Variants in LUC7L2 observed in about 807,000 individuals in gnomAD.
LUC7L2 encodes the protein LUC7 like 2, pre-mRNA splicing factor, also known as putative RNA-binding protein Luc7-like 2.
In LUC7L2, 25 loss-of-function variants were observed where a neutral mutation model predicts 52.8. The observed-to-expected ratio is 0.47, with a 90% CI of 0.34 to 0.66. The LOEUF (loss-of-function observed/expected upper bound fraction) is 0.66, where lower values mean the gene tolerates loss of function less well. Among genes scored for constraint, LUC7L2 ranks in the 30% least tolerant of loss-of-function variants. LUC7L2 has a pLI of 0.01. For synonymous variants in LUC7L2, 144 were observed against 160.9 expected, an observed-to-expected ratio of 0.89 and a Z score of 0.80; for missense variants, 328 against 497.8, an observed-to-expected ratio of 0.66 and a Z score of 3.25.
chr7:139,382,692 C>T (rs1801099645), intron 2 of LUC7L2, among the ~76,000 whole-genome samples: 1 of 152,142 alleles, frequency 6.6e-6, no homozygotes, highest in Admixed American at 6.5e-5. Context: ...CATGCCCAAC[C>T]TAAAGTAATT....
chr7:139,359,715 A>C (rs1054441575), upstream of LUC7L2: 8 of 398,536 alleles, frequency 2.0e-5, no homozygotes, highest in African/African-American at 1.4e-4. Flanking sequence ...CGGCTTGCAC[A>C]GTCAGTTAAG....
intron 1 of LUC7L2, chr7:139,363,331 TG>T: frequency 5.3e-6 from 4 of 759,098 alleles, no homozygotes; most frequent in Middle Eastern, 6.8e-4. Context: ...CCCATATAAC[TG>T]GGGGTCTGAC....
At chr7:139,384,258 G>C (rs1465712460) in intron 2 of LUC7L2, among the ~76,000 whole-genome samples, 1 of 151,608 alleles carries the variant, frequency 6.6e-6, no homozygotes, top group African/African-American at 2.4e-5. Context: ...CATTAACCCT[G>C]ATTATTGGCT....
chr7:139,400,211 G>A (rs7799165), intron 3 of LUC7L2, among the ~76,000 whole-genome samples: 2 of 151,900 alleles, frequency 1.3e-5, no homozygotes, highest in South Asian at 2.1e-4. Flanking sequence ...GTGGTGGCTC[G>A]TAATCCCAGC....
At chr7:139,353,573 G>C (rs373980030) in intron 1 of LUC7L2, among the ~76,000 whole-genome samples, 1 of 152,022 alleles carries the variant, frequency 6.6e-6, no homozygotes, top group Non-Finnish European at 1.5e-5. Flanking sequence ...AGGCCAAGGC[G>C]GGTGGATCAC....
At chr7:139,364,593 T>A (rs759086224) in intron 1 of LUC7L2, among the ~76,000 whole-genome samples, 1 of 152,226 alleles carries the variant, frequency 6.6e-6, no homozygotes, top group Non-Finnish European at 1.5e-5. Flanking sequence ...AGTTATAGTT[T>A]GTGGGATATA....
intron 2 of LUC7L2, among the ~76,000 whole-genome samples, chr7:139,396,534 A>G (rs1794670017): frequency 6.6e-6 from 1 of 152,242 alleles, no homozygotes; most frequent in South Asian, 2.1e-4. Context: ...CTGCTGCTTT[A>G]TGAAAAATTC....
rs1032288974 is a variant in LUC7L2, at chr7:139,360,270, G to T, written c.9G>T (p.Ala3=). Residue 3 remains alanine, a synonymous_variant, in exon 1 of 10, where the codon GCG becomes GCT. Transcript: ENST00000354926. MS[A]QAQMRAMLDQ... ...CCCGCTACGCCGCCGCCATGTCGGC[G>T]CAGGCCCAGATGCGCGCGATGCTGG... is the stretch of plus-strand genomic sequence containing the variant. 6.4e-7 allele frequency: 1 copy of T among 1,562,794 alleles called. No individual in the cohort carries two copies.
At chr7:139,390,810 C>T (rs1016056383) in intron 2 of LUC7L2, among the ~76,000 whole-genome samples, 3 of 152,186 alleles carry the variant, frequency 2.0e-5, no homozygotes, top group African/African-American at 7.2e-5. Flanking sequence ...CCCGTCTCGG[C>T]CTCCCAAACT....
At chr7:139,375,999 G>A (rs756627352) in intron 1 of LUC7L2, 63 bp from the exon 2 acceptor site, 1 of 1,551,122 alleles carries the variant, frequency 6.4e-7, no homozygotes, top group Non-Finnish European at 8.8e-7. Context: ...GTAATAGTAG[G>A]GCTCTCAGAA....
At chr7:139,349,466 A>G (rs1799379029) in intron 1 of LUC7L2, among the ~76,000 whole-genome samples, 1 of 152,116 alleles carries the variant, frequency 6.6e-6, no homozygotes, top group African/African-American at 2.4e-5. Flanking sequence ...AACACAAACT[A>G]TATTGGCAGT....
chr7:139,347,861 C>T (rs1416764993), intron 1 of LUC7L2, among the ~76,000 whole-genome samples: 4 of 152,154 alleles, frequency 2.6e-5, no homozygotes, highest in Non-Finnish European at 2.9e-5. Flanking sequence ...CCACCACACC[C>T]GGCTCATTTT....
At position 139,360,122 on chromosome 7, in the gene LUC7L2, GCT is replaced by G. The variant is rs1294965233; in HGVS notation, c.-138_-137del. 2.6e-5 allele frequency: 16 copies of G among 608,770 alleles called. No homozygotes were observed. The highest frequency in any genetic ancestry group is 4.6e-5 in the Non-Finnish European group (16 of 351,068). 37.7% of individuals were successfully genotyped at this position (608,770 alleles called of 1,614,324 possible). On this transcript the variant is annotated 5_prime_UTR_variant, in exon 1 of 10. Coordinates refer to ENST00000354926, the MANE Select transcript of LUC7L2 (RefSeq NM_016019.5). ...CCGGACTCTTCCCGCAACCCCTCCGGCTCCCTTTCCGCACGCCTCGAGGCGGC... is the reference window on the plus strand; with the variant it reads ...CCGGACTCTTCCCGCAACCCCTCCGGCCCTTTCCGCACGCCTCGAGGCGGC...
At chr7:139,405,899 G>A in intron 5 of LUC7L2, 112 bp downstream of exon 5, 3 of 1,353,202 alleles carry the variant, frequency 2.2e-6, no homozygotes, top group Non-Finnish European at 2.9e-6. Context: ...GTATTTGAAT[G>A]GAAATTATTG....
At chr7:139,362,081 G>T (rs1799913233) in intron 1 of LUC7L2, among the ~76,000 whole-genome samples, 1 of 151,350 alleles carries the variant, frequency 6.6e-6, no homozygotes, top group African/African-American at 2.4e-5. Flanking sequence ...TCCACTTTGT[G>T]TATTTTTTTA....
chr7:139,375,645 A>C (rs1800668305), intron 1 of LUC7L2: 2 of 976,888 alleles, frequency 2.0e-6, no homozygotes, highest in Non-Finnish European at 2.4e-6. Flanking sequence ...AAAATATATC[A>C]ATGCTTAGTG....
intron 2 of LUC7L2, among the ~76,000 whole-genome samples, chr7:139,394,282 C>T (rs1032068674): frequency 6.6e-6 from 1 of 152,144 alleles, no homozygotes; most frequent in Non-Finnish European, 1.5e-5. Context: ...ATAGGCACAT[C>T]GTAGATAAAA....
At chr7:139,352,010 CATA>C (rs576196314) in intron 1 of LUC7L2, among the ~76,000 whole-genome samples, 51 of 152,172 alleles carry the variant, frequency 3.4e-4, no homozygotes, top group Admixed American at 6.5e-4. Flanking sequence ...GCCTGAGCAA[CATA>C]ATGAGACCCT....
chr7:139,382,774 T>G (rs1585097142), intron 2 of LUC7L2, among the ~76,000 whole-genome samples: 1 of 152,354 alleles, frequency 6.6e-6, no homozygotes, highest in East Asian at 1.9e-4. Flanking sequence ...CTGACTGAAT[T>G]TTATGTTGCC....
Sources: gnomAD v4.1 joint callset for allele counts (sites outside exome capture counted in the v4.1 genomes callset) on GRCh38, gnomAD v4.1.1 for gene constraint, MANE v1.5 for transcripts, NCBI Gene and HGNC (gene_info 2026-07-23, HGNC 2026-07-21) for gene names.